PLB1: variants seen among roughly 807,000 people sequenced by gnomAD.
The protein encoded by PLB1 is phospholipase B1, membrane-associated.
A neutral mutation model predicts 227.4 loss-of-function variants in PLB1; 242 were observed. That is an observed-to-expected ratio of 1.06 (90% CI 0.96 to 1.18). PLB1 has a LOEUF of 1.18. PLB1 is among the 50% of genes most tolerant of loss of function. The probability of loss-of-function intolerance (pLI) is 0.00; values close to 1 mark genes in which losing one functional copy is unlikely to be tolerated. For missense variants in PLB1, 1,858 were observed against 1,816.3 expected (o/e 1.02, Z -0.42); for synonymous variants, 757 against 682.2 (o/e 1.11, Z -1.71).
At chr2:28,620,363 A>T in intron 47 of PLB1, 31 bp downstream of exon 47, 1 of 1,557,016 alleles carries the variant, frequency 6.4e-7, no homozygotes, top group African/African-American at 1.4e-5. Context: ...TGCTCTATTG[A>T]TGATGCTCTC....
chr2:28,612,387 A>G (rs1030407294), intron 43 of PLB1, among the ~76,000 whole-genome samples: 8 of 152,088 alleles, frequency 5.3e-5, no homozygotes, highest in African/African-American at 1.7e-4. Flanking sequence ...GAACCAGGCA[A>G]GAGGCTTGTC....
At chr2:28,610,281 C>G (rs58010556) in intron 43 of PLB1, among the ~76,000 whole-genome samples, 7,204 of 151,908 alleles carry the variant, frequency 0.047, 552 homozygotes, top group African/African-American at 0.16. Flanking sequence ...CACTTTCTTA[C>G]CACCTGAAAT....
rs370239530 is a variant in PLB1, at chr2:28,591,175, C to T, written c.2127+4C>T. 11 of 1,614,224 alleles carry T rather than the reference C, an allele frequency of 6.8e-6. No homozygotes were observed. Among genetic ancestry groups the T allele is most frequent in the Non-Finnish European group, 9.3e-6 (11 of 1,180,028 alleles). On this transcript the variant is annotated splice_donor_region_variant and intron_variant, in intron 30 of 57. Coordinates refer to ENST00000327757, the MANE Select transcript of PLB1 (RefSeq NM_153021.5). The stretch of plus-strand genomic sequence containing the variant: ...GACCTACAAGAACAGCATGCAGGTA[C>T]CTGCCTCTTGCCTCCTCTTGACTCA...
At chr2:28,614,609 T>C (rs1573447277) in intron 44 of PLB1, among the ~76,000 whole-genome samples, 1 of 152,214 alleles carries the variant, frequency 6.6e-6, no homozygotes, top group Admixed American at 6.5e-5. Context: ...TAACCATGTC[T>C]GTGAGCCTAG....
At position 28,605,939 on chromosome 2, in the gene PLB1, G is replaced by T. The variant is rs1221477920; in HGVS notation, c.3048G>T (p.Trp1016Cys). Residue 1016 changes from tryptophan (W) to cysteine (C), a missense_variant, in exon 42 of 58, where the codon TGG (tryptophan) becomes TGT (cysteine). Coordinates refer to ENST00000327757, the MANE Select transcript of PLB1 (RefSeq NM_153021.5). ...KFHSQLARAL[W>C]TNMLEPLGSK... ...ACTCCCAGCTGGCCAGAGCCCTTTG[G>T]ACCAATATGGTAAAATAAGTGGGGT... 2 of 1,607,662 alleles carry T rather than the reference G, an allele frequency of 1.2e-6. No homozygotes were observed. The highest frequency in any genetic ancestry group is 2.2e-5 in the South Asian group (2 of 90,936).
chr2:28,600,694 T>A, intron 35 of PLB1, 115 bp from the exon 36 acceptor site: 1 of 920,682 alleles, frequency 1.1e-6, no homozygotes, highest in Non-Finnish European at 1.7e-6. Flanking sequence ...CCTCGGGATC[T>A]CTGCCAGCTC....
At chr2:28,637,299 TAAAAA>T (rs34972015) in intron 56 of PLB1, among the ~76,000 whole-genome samples, 1 of 131,160 alleles carries the variant, frequency 7.6e-6, no homozygotes, top group Non-Finnish European at 1.7e-5. Flanking sequence ...GTCTCAAATT[TAAAAA>T]AAAAAAAAAA....
intron 20 of PLB1, among the ~76,000 whole-genome samples, chr2:28,571,951 A>T (rs967422557): frequency 1.6e-4 from 25 of 152,206 alleles, no homozygotes; most frequent in African/African-American, 6.0e-4. Context: ...GCTTCAAAGG[A>T]TGTCATATCA....
intron 7 of PLB1, 97 bp from the exon 8 acceptor site, chr2:28,529,631 T>G (rs6728486): frequency 7.6e-7 from 1 of 1,308,062 alleles, no homozygotes; most frequent in South Asian, 1.3e-5. Flanking sequence ...GGATAAAGCT[T>G]AGAGACTGAC....
At chr2:28,641,066 T>A in intron 57 of PLB1, 65 bp downstream of exon 57, 1 of 1,492,268 alleles carries the variant, frequency 6.7e-7, no homozygotes, top group South Asian at 1.2e-5. Flanking sequence ...TCCTGTCCCC[T>A]GGAAGCACAG....
intron 41 of PLB1, 108 bp from the exon 42 acceptor site, chr2:28,605,745 A>AC (rs1372036874): frequency 1.3e-6 from 1 of 779,724 alleles, no homozygotes; most frequent in Admixed American, 2.1e-5. Context: ...GACCTGGAGC[A>AC]CTCCAGGGGA....
intron 32 of PLB1, among the ~76,000 whole-genome samples, chr2:28,593,376 G>A (rs1432489647): frequency 6.6e-6 from 1 of 152,220 alleles, no homozygotes; most frequent in Non-Finnish European, 1.5e-5. Flanking sequence ...ACTCTCTCAC[G>A]TTTGTAAAAC....
At chr2:28,585,615 G>A in intron 25 of PLB1, 146 bp from the exon 26 acceptor site, 1 of 688,428 alleles carries the variant, frequency 1.5e-6, no homozygotes, top group Non-Finnish European at 2.5e-6. Flanking sequence ...TGGTCAGCAG[G>A]TCAGCCAGCC....
intron 33 of PLB1, chr2:28,594,346 G>A (rs1009577238): frequency 9.5e-6 from 2 of 210,308 alleles, no homozygotes; most frequent in Admixed American, 1.0e-4. Flanking sequence ...CAGGCGAGCG[G>A]TTGCGTGTAG....
intron 40 of PLB1, 90 bp from the exon 41 acceptor site, chr2:28,604,565 A>C: frequency 1.1e-6 from 1 of 922,488 alleles, no homozygotes. Context: ...CCATCCAGGG[A>C]GATGGACTGC....
chr2:28,501,696 T>C (rs1667120852), intron 1 of PLB1, among the ~76,000 whole-genome samples: 2 of 152,196 alleles, frequency 1.3e-5, no homozygotes, highest in Non-Finnish European at 2.9e-5. Context: ...AATATATTCT[T>C]ATTTTCCTTT....
At chr2:28,500,501 A>T (rs1467080714) in intron 1 of PLB1, among the ~76,000 whole-genome samples, 1 of 152,176 alleles carries the variant, frequency 6.6e-6, no homozygotes, top group African/African-American at 2.4e-5. Flanking sequence ...AATTTTTACC[A>T]TGGTGATTGG....
Position 28,628,531 on chromosome 2 carries a change from G to A in PLB1, c.3661-32G>A, listed in dbSNP as rs1430402254. 2.5e-5 allele frequency: 40 copies of A among 1,607,150 alleles called. No individual in the cohort carries two copies. The East Asian group carries it at 8.9e-4, about 36-fold the overall frequency. On this transcript the variant is annotated intron_variant, in intron 51 of 57. Transcript: ENST00000327757. ...GCCATTCTCTCAGAGCGGGCACCAG[G>A]GGCTAAAGAGAGTACCCTTTTTTCC...
intron 6 of PLB1, among the ~76,000 whole-genome samples, chr2:28,527,277 A>C (rs922470097): frequency 6.6e-6 from 1 of 152,204 alleles, no homozygotes; most frequent in African/African-American, 2.4e-5. Context: ...GAGGTCCCGC[A>C]GAAAGCAGGT....
Sources: allele counts gnomAD v4.1 joint callset (sites outside exome capture counted in the v4.1 genomes callset), GRCh38; gene constraint gnomAD v4.1.1; transcripts MANE v1.5; gene names NCBI Gene and HGNC (gene_info 2026-07-23, HGNC 2026-07-21).